Variants in ODAD2 observed in about 807,000 individuals in gnomAD.
ODAD2 encodes outer dynein arm-docking complex subunit 2.
ODAD2 carries 89 observed loss-of-function variants against 106.8 expected under a neutral mutation model. The observed-to-expected ratio is 0.83, with a 90% CI of 0.70 to 0.99. The LOEUF (loss-of-function observed/expected upper bound fraction) is 0.99. ODAD2 is among the 50% of genes least tolerant of loss of function. ODAD2 has a pLI of 0.00. For synonymous variants in ODAD2, 404 were observed against 436.2 expected, an observed-to-expected ratio of 0.93 and a Z score of 0.92; for missense variants, 1,168 against 1,238.5, an observed-to-expected ratio of 0.94 and a Z score of 0.85.
In ODAD2 at chr10:27,935,149, C is replaced by G; in HGVS notation, c.2356G>C (p.Glu786Gln). 1 of 1,614,022 alleles carries G rather than the reference C, an allele frequency of 6.2e-7. No individual in the cohort carries two copies. Among genetic ancestry groups the G allele is most frequent in the Non-Finnish European group, 8.5e-7 (1 of 1,179,900 alleles). The change falls in exon 16 of 20, where the codon GAA becomes CAA. Residue 786 changes from glutamate to glutamine, a missense_variant. By Grantham distance (29) the Glu-to-Gln change is conservative. This residue lies in a region of ODAD2 where 701 missense variants were observed against 712.3 expected (regional missense o/e 0.98). Coordinates refer to ENST00000305242, the MANE Select transcript of ODAD2 (RefSeq NM_018076.5). ...CGGACAATGACTCGGTTTTCACGTTCTTGGCAGCATTCTCCCAAGGCCCCA... is the reference window on the plus strand; with the variant it reads ...CGGACAATGACTCGGTTTTCACGTTGTTGGCAGCATTCTCCCAAGGCCCCA... ...VVGALGECCQ[E>Q]RENRVIVRKC... is the part of the protein sequence containing the mutation.
At chr10:27,896,718 T>C (rs1294005715) in intron 17 of ODAD2, among the ~76,000 whole-genome samples, 1 of 152,194 alleles carries the variant, frequency 6.6e-6, no homozygotes, top group Non-Finnish European at 1.5e-5. Flanking sequence ...TTTCTCCATC[T>C]GTGCTTGTGT....
intron 19 of ODAD2, among the ~76,000 whole-genome samples, chr10:27,825,290 G>A (rs74127110): frequency 2.0e-5 from 3 of 152,086 alleles, no homozygotes; most frequent in African/African-American, 7.2e-5. Context: ...TTCTCAATAC[G>A]CAAAAAGATC....
intron 17 of ODAD2, among the ~76,000 whole-genome samples, chr10:27,872,947 G>A (rs9671379): frequency 1.3e-5 from 2 of 152,264 alleles, no homozygotes; most frequent in Non-Finnish European, 1.5e-5. Context: ...GCTCCTCCTT[G>A]TACTTCTGGT....
rs11006787 is a variant in ODAD2, at chr10:27,961,854, C to G, written c.1239-139G>C. On this transcript the variant is annotated intron_variant, in intron 9 of 19. Coordinates refer to ENST00000305242, the MANE Select transcript of ODAD2 (RefSeq NM_018076.5). The stretch of plus-strand genomic sequence containing the variant: ...CTGAGGTGGGAGGATTACTTAAGGC[C>G]AAGAGTTCAACACCAGCCTGGACAA... 3.7e-3 allele frequency: 2,425 copies of G among 648,010 alleles called. 66 individuals are homozygous for G. In the East Asian group the frequency reaches 0.064, roughly 17 times the overall value. The allele number at this position is 648,010 out of a possible 1,614,324, so 40.1% of individuals were successfully genotyped here. A position where few individuals can be genotyped will look rare whatever the true frequency, so the allele number is the denominator to read the frequency against.
intron 16 of ODAD2, among the ~76,000 whole-genome samples, chr10:27,921,007 C>G (rs1274669427): frequency 2.0e-5 from 3 of 152,022 alleles, no homozygotes; most frequent in African/African-American, 7.2e-5. Flanking sequence ...TAACACTGGG[C>G]CATGTAACAA....
At chr10:27,937,078 G>T (rs552246043) in intron 14 of ODAD2, among the ~76,000 whole-genome samples, 198 bp from the exon 15 acceptor site, 3 of 152,240 alleles carry the variant, frequency 2.0e-5, no homozygotes, top group Admixed American at 6.5e-5. Context: ...ATGTGGCTTT[G>T]GGAATGGATA....
intron 7 of ODAD2, among the ~76,000 whole-genome samples, chr10:27,974,635 T>C (rs1588642829): frequency 6.6e-6 from 1 of 152,150 alleles, no homozygotes; most frequent in East Asian, 1.9e-4. Context: ...ACTGTAGCCC[T>C]GTGGTATAGT....
At chr10:27,840,463 C>T (rs1838227516) in intron 19 of ODAD2, among the ~76,000 whole-genome samples, 1 of 152,188 alleles carries the variant, frequency 6.6e-6, no homozygotes. Context: ...CCTCCAATGG[C>T]AAGTCTTGGA....
intron 17 of ODAD2, among the ~76,000 whole-genome samples, chr10:27,884,928 T>A (rs1564464151): frequency 6.6e-6 from 1 of 152,142 alleles, no homozygotes; most frequent in South Asian, 2.1e-4. Flanking sequence ...AGAAACTTGT[T>A]AATTAGTGAA....
chr10:27,934,873 T>C, intron 16 of ODAD2, 137 bp downstream of exon 16: 8 of 1,157,162 alleles, frequency 6.9e-6, no homozygotes, highest in Non-Finnish European at 9.8e-6. Flanking sequence ...TTTGGTAAAC[T>C]TGTGATTATT....
intron 1 of ODAD2, chr10:27,995,769 A>T (rs1055531402): frequency 3.3e-5 from 5 of 152,212 alleles, no homozygotes; most frequent in African/African-American, 1.2e-4. Context: ...GTGAAATATA[A>T]TTTTTTTTCT....
intron 12 of ODAD2, among the ~76,000 whole-genome samples, chr10:27,941,913 A>G (rs558729157): frequency 6.6e-6 from 1 of 152,282 alleles, no homozygotes; most frequent in South Asian, 2.1e-4. Context: ...TTCAATCCCA[A>G]TTCCAAGTTC....
chr10:27,894,387 A>G (rs1842737651), intron 17 of ODAD2, among the ~76,000 whole-genome samples: 1 of 152,102 alleles, frequency 6.6e-6, no homozygotes, highest in Non-Finnish European at 1.5e-5. Context: ...ATTATTTCCC[A>G]CTAATCCAAA....
chr10:27,917,815 TGGAG>T (rs1453527983), intron 16 of ODAD2, among the ~76,000 whole-genome samples: 1 of 151,716 alleles, frequency 6.6e-6, no homozygotes, highest in Non-Finnish European at 1.5e-5. Flanking sequence ...AAGAGACTGA[TGGAG>T]AGAGAGAAAA....
At chr10:27,826,785 C>T (rs995248009) in intron 19 of ODAD2, among the ~76,000 whole-genome samples, 1 of 152,052 alleles carries the variant, frequency 6.6e-6, no homozygotes, top group Non-Finnish European at 1.5e-5. Flanking sequence ...CCTGCTCTTG[C>T]CAATTAACAT....
At chr10:27,998,300 G>A (rs1393105631) in intron 1 of ODAD2, among the ~76,000 whole-genome samples, 1 of 152,148 alleles carries the variant, frequency 6.6e-6, no homozygotes, top group Non-Finnish European at 1.5e-5. Context: ...TAAAACCAAA[G>A]CTAAGCCTAG....
At chr10:27,944,759 A>G in intron 11 of ODAD2, 57 bp downstream of exon 11, 4 of 1,607,250 alleles carry the variant, frequency 2.5e-6, no homozygotes, top group Non-Finnish European at 3.4e-6. Context: ...AGAGCTAAGA[A>G]GAGAGCCCAG....
chr10:27,935,253 C>T lies in ODAD2; in HGVS notation c.2253-1G>A. The T allele has an allele frequency of 6.2e-7, 1 of 1,613,240 alleles. No homozygotes were observed. The highest frequency in any genetic ancestry group is 8.5e-7 in the Non-Finnish European group (1 of 1,179,394). On this transcript the variant is annotated splice_acceptor_variant, in intron 15 of 19. Transcript: ENST00000305242. LOFTEE classifies it high-confidence loss of function. Reference sequence around the variant, plus strand: ...TTCAATGGCTTTGTATTCCCGAAACCTAAGTTCATCATAAGAAAGAGGAGA... The same window carrying T: ...TTCAATGGCTTTGTATTCCCGAAACTTAAGTTCATCATAAGAAAGAGGAGA...
intron 9 of ODAD2, among the ~76,000 whole-genome samples, chr10:27,964,950 A>T (rs528866205): frequency 6.6e-6 from 1 of 152,334 alleles, no homozygotes; most frequent in South Asian, 2.1e-4. Flanking sequence ...AGTCTAGGTT[A>T]AGATTTTGGA....
Sources: gnomAD v4.1 joint callset for allele counts (sites outside exome capture counted in the v4.1 genomes callset) on GRCh38, gnomAD v4.1.1 for gene constraint, gnomAD v4.1.1 regional missense constraint, MANE v1.5 for transcripts, NCBI Gene and HGNC (gene_info 2026-07-23, HGNC 2026-07-21) for gene names.